The following RNGTT variants were observed in gnomAD, a reference collection of about 807,000 sequenced individuals.
RNGTT encodes the protein RNA guanylyltransferase and 5'-phosphatase.
A neutral mutation model predicts 79.3 loss-of-function variants in RNGTT; 33 were observed. That is an observed-to-expected ratio of 0.42 (90% CI 0.32 to 0.56). RNGTT has a LOEUF of 0.56. RNGTT is among the 20% of genes least tolerant of loss of function. RNGTT has a pLI of 0.17. For synonymous variants in RNGTT, 222 were observed against 235.9 expected, an observed-to-expected ratio of 0.94 and a Z score of 0.54; for missense variants, 497 against 739.1, an observed-to-expected ratio of 0.67 and a Z score of 3.80.
chr6:88,747,575 G>A (rs1777703645), intron 13 of RNGTT, among the ~76,000 whole-genome samples: 1 of 152,192 alleles, frequency 6.6e-6, no homozygotes, highest in African/African-American at 2.4e-5. Context: ...TTGTGAAGAA[G>A]TCTATAAAAG....
chr6:88,708,656 T>C (rs977245046), intron 13 of RNGTT, among the ~76,000 whole-genome samples: 2 of 152,128 alleles, frequency 1.3e-5, no homozygotes, highest in South Asian at 4.1e-4. Context: ...GGCAGTGCTG[T>C]TTTACCCATG....
intron 1 of RNGTT, among the ~76,000 whole-genome samples, chr6:88,943,173 T>C (rs1405308434): frequency 1.3e-5 from 2 of 152,206 alleles, no homozygotes; most frequent in African/African-American, 2.4e-5. Flanking sequence ...TCTAGATGGA[T>C]ATCAACTGCC....
chr6:88,666,827 G>A (rs949376210), intron 14 of RNGTT, among the ~76,000 whole-genome samples: 2 of 152,110 alleles, frequency 1.3e-5, no homozygotes, highest in Non-Finnish European at 1.5e-5. Context: ...CCAGAAGGCC[G>A]AACTCATTGC....
At chr6:88,686,235 C>A (rs190892147) in intron 13 of RNGTT, among the ~76,000 whole-genome samples, 3 of 151,286 alleles carry the variant, frequency 2.0e-5, no homozygotes, top group African/African-American at 4.9e-5. Flanking sequence ...AAGTGAAAGA[C>A]CTTAATTAAT....
At chr6:88,858,279 T>C (rs1781901502) in intron 8 of RNGTT, among the ~76,000 whole-genome samples, 1 of 152,148 alleles carries the variant, frequency 6.6e-6, no homozygotes, top group Admixed American at 6.6e-5. Flanking sequence ...CTGGAGCCAG[T>C]CTAGATGCTA....
intron 14 of RNGTT, among the ~76,000 whole-genome samples, chr6:88,677,222 C>G (rs1160154905): frequency 6.7e-6 from 1 of 149,282 alleles, no homozygotes; most frequent in African/African-American, 2.5e-5. Flanking sequence ...TTATATAAAG[C>G]TCTAGAAAAT....
chr6:88,940,679 G>A (rs1294946475), intron 2 of RNGTT, among the ~76,000 whole-genome samples: 4 of 152,158 alleles, frequency 2.6e-5, no homozygotes, highest in Non-Finnish European at 4.4e-5. Flanking sequence ...GGGGTGAGGA[G>A]AGAGTTTGAC....
chr6:88,849,915 C>T, intron 9 of RNGTT, 89 bp from the exon 10 acceptor site: 2 of 1,202,252 alleles, frequency 1.7e-6, no homozygotes, highest in Admixed American at 3.3e-5. Context: ...ACAGTAAGCA[C>T]ATAAACCATA....
At chr6:88,659,060 A>G (rs1038316460) in intron 14 of RNGTT, among the ~76,000 whole-genome samples, 2 of 152,178 alleles carry the variant, frequency 1.3e-5, no homozygotes, top group African/African-American at 2.4e-5. Flanking sequence ...CATCTATCCT[A>G]TGAGTTCTGT....
chr6:88,880,531 T>C (rs1046718446), intron 8 of RNGTT, among the ~76,000 whole-genome samples: 3 of 152,174 alleles, frequency 2.0e-5, no homozygotes, highest in African/African-American at 7.2e-5. Context: ...AATACAGATA[T>C]AGATACATAT....
intron 4 of RNGTT, among the ~76,000 whole-genome samples, chr6:88,913,489 C>T (rs1309049827): frequency 6.6e-6 from 1 of 152,098 alleles, no homozygotes; most frequent in African/African-American, 2.4e-5. Flanking sequence ...AATCCAGCAC[C>T]ACATCAAAAA....
intron 1 of RNGTT, among the ~76,000 whole-genome samples, chr6:88,948,600 T>C (rs1233475040): frequency 4.1e-5 from 6 of 146,550 alleles, no homozygotes; most frequent in African/African-American, 1.5e-4. Flanking sequence ...CACCACCCCG[T>C]CTGGGAGGTG....
At chr6:88,662,832 G>A (rs1483924831) in intron 14 of RNGTT, among the ~76,000 whole-genome samples, 7 of 152,202 alleles carry the variant, frequency 4.6e-5, no homozygotes, top group South Asian at 2.1e-4. Context: ...AGGAATCGGC[G>A]ATTGGAGTCT....
At chr6:88,866,926 C>T (rs1782186609) in intron 8 of RNGTT, among the ~76,000 whole-genome samples, 1 of 152,176 alleles carries the variant, frequency 6.6e-6, no homozygotes, top group Non-Finnish European at 1.5e-5. Flanking sequence ...ACCACTTGGT[C>T]TCTCTAGCTT....
chr6:88,731,113 A>T (rs1440221320), intron 13 of RNGTT, among the ~76,000 whole-genome samples: 1 of 152,060 alleles, frequency 6.6e-6, no homozygotes, highest in Non-Finnish European at 1.5e-5. Context: ...CAACACAGAG[A>T]CTCTATTTAA....
At chr6:88,766,653 A>C (rs1778471907) in intron 13 of RNGTT, among the ~76,000 whole-genome samples, 1 of 152,094 alleles carries the variant, frequency 6.6e-6, no homozygotes, top group Non-Finnish European at 1.5e-5. Flanking sequence ...ATTTGTATTA[A>C]ATTTCAATCT....
chr6:88,939,816 A>T lies in RNGTT; in HGVS notation c.174+1255T>A, dbSNP rs548102644. On this transcript the variant is annotated intron_variant, in intron 2 of 15. Coordinates refer to ENST00000369485, the MANE Select transcript of RNGTT (RefSeq NM_003800.5). ...CACTATCGCCCAGGCTGCAGTGGGT[A>T]ATCATGGCTCACTACAGCCTCAACC... Among the ~76,000 whole-genome samples the T allele has an allele frequency of 2.0e-5, 3 of 151,310 alleles. 1 individual carries two copies. The South Asian group carries it at 6.3e-4, about 32-fold the overall frequency.
chr6:88,782,449 C>G (rs1023187854), intron 12 of RNGTT, among the ~76,000 whole-genome samples: 1 of 152,092 alleles, frequency 6.6e-6, no homozygotes, highest in African/African-American at 2.4e-5. Context: ...CTGTAAAACT[C>G]CTAGAAGTAA....
At chr6:88,634,619 T>C (rs1463203678) in intron 14 of RNGTT, among the ~76,000 whole-genome samples, 1 of 152,152 alleles carries the variant, frequency 6.6e-6, no homozygotes, top group Non-Finnish European at 1.5e-5. Flanking sequence ...ATTTTATTAA[T>C]CATCCAATAG....
Sources: allele counts gnomAD v4.1 joint callset (sites outside exome capture counted in the v4.1 genomes callset), GRCh38; gene constraint gnomAD v4.1.1; transcripts MANE v1.5; gene names NCBI Gene and HGNC (gene_info 2026-07-23, HGNC 2026-07-21).